Variants in SDHC observed in about 807,000 individuals in gnomAD.
SDHC encodes the protein succinate dehydrogenase cytochrome b560 subunit, mitochondrial.
Under a neutral mutation model 22.6 loss-of-function variants are expected in SDHC, and 11 were observed. The observed-to-expected ratio is 0.49, with a 90% CI of 0.31 to 0.81. The LOEUF is 0.81. Among genes scored for constraint, SDHC ranks in the 30% least tolerant of loss-of-function variants. The pLI, the probability that SDHC is intolerant of heterozygous loss-of-function variation, is 0.05. For missense variants in SDHC, 160 were observed against 212.0 expected (o/e 0.75, Z 1.52); for synonymous variants, 80 against 77.8 (o/e 1.03, Z -0.15).
intron 3 of SDHC, among the ~76,000 whole-genome samples, chr1:161,334,863 A>T (rs568771139): frequency 6.6e-6 from 1 of 152,190 alleles, no homozygotes; most frequent in Non-Finnish European, 1.5e-5. Flanking sequence ...TATTCTGCCT[A>T]CTACAACTTC....
chr1:161,345,156 C>G (rs780769087), intron 4 of SDHC, among the ~76,000 whole-genome samples: 3 of 152,322 alleles, frequency 2.0e-5, no homozygotes, highest in South Asian at 4.1e-4. Context: ...TTACTGTGCT[C>G]CAGCCACACT....
chr1:161,356,758 T>C lies in SDHC; in HGVS notation c.323T>C (p.Leu108Pro). 6.2e-7 allele frequency: 1 copy of C among 1,613,966 alleles called. No individual in the cohort carries two copies. Among genetic ancestry groups the C allele is most frequent in the South Asian group, 1.1e-5 (1 of 91,070 alleles). ...TTGGAACTTGTGAAGTCCCTGTGTC[T>C]GGGGCCAGCACTGATCCACACAGCT... is the stretch of plus-strand genomic sequence containing the variant. ...SYLELVKSLC[L>P]GPALIHTAKF... Residue 108 changes from leucine to proline, a missense_variant, in exon 5 of 6, where the codon CTG (leucine) becomes CCG (proline). By Grantham distance (98) the Leu-to-Pro change is moderately conservative. Coordinates refer to ENST00000367975, the MANE Select transcript of SDHC (RefSeq NM_003001.5).
intron 3 of SDHC, among the ~76,000 whole-genome samples, chr1:161,331,011 AAAAAG>A (rs1432741456): frequency 6.9e-6 from 1 of 145,892 alleles, no homozygotes; most frequent in Non-Finnish European, 1.5e-5. Context: ...AAAAAAAAAA[AAAAAG>A]AGAACCTTGT....
intron 4 of SDHC, among the ~76,000 whole-genome samples, chr1:161,354,724 A>G (rs1672210571): frequency 7.4e-6 from 1 of 135,700 alleles, no homozygotes; most frequent in Admixed American, 8.3e-5. Flanking sequence ...GTCATTTGAG[A>G]TGGAGCCTCA....
Position 161,323,683 on chromosome 1 carries a change from G to A in SDHC, c.77+13G>A, listed in dbSNP as rs779727693. 32 of 1,597,318 alleles carry A rather than the reference G, an allele frequency of 2.0e-5. No homozygotes were observed. In the South Asian group the frequency reaches 3.6e-4, roughly 18 times the overall value. On this transcript the variant is annotated intron_variant, in intron 2 of 5. Transcript: ENST00000367975. ...TCTGTATCAGAAAGTAAGTTTCTAA[G>A]TCTGGAGATTATTTATTTATTTTTT... is the stretch of plus-strand genomic sequence containing the variant.
intron 3 of SDHC, among the ~76,000 whole-genome samples, chr1:161,328,870 A>G (rs1671169458): frequency 6.6e-6 from 1 of 152,158 alleles, no homozygotes; most frequent in Non-Finnish European, 1.5e-5. Context: ...GGTATATAGT[A>G]TATATGCTAA....
At chr1:161,355,562 T>C (rs903602841) in intron 4 of SDHC, among the ~76,000 whole-genome samples, 16 of 152,356 alleles carry the variant, frequency 1.1e-4, no homozygotes, top group African/African-American at 3.4e-4. Flanking sequence ...TGCTTTCTAC[T>C]AAGAGTTTTA....
intron 4 of SDHC, among the ~76,000 whole-genome samples, chr1:161,348,813 G>A (rs1311705147): frequency 1.3e-5 from 2 of 152,038 alleles, no homozygotes; most frequent in Non-Finnish European, 2.9e-5. Context: ...ACTCCAGCCT[G>A]GGTGACAGAG....
At chr1:161,335,485 ATATTT>A (rs1671442073) in intron 3 of SDHC, among the ~76,000 whole-genome samples, 1 of 152,128 alleles carries the variant, frequency 6.6e-6, no homozygotes, top group African/African-American at 2.4e-5. Context: ...TATTATAATA[ATATTT>A]TCTAGATTTG....
chr1:161,340,556 T>G, intron 3 of SDHC, 38 bp from the exon 4 acceptor site: 1 of 1,583,702 alleles, frequency 6.3e-7, no homozygotes, highest in East Asian at 2.2e-5. Flanking sequence ...GGTGTCATCT[T>G]TTCCTTTTTA....
chr1:161,350,848 A>G (rs1008467074), intron 4 of SDHC, among the ~76,000 whole-genome samples: 21 of 152,112 alleles, frequency 1.4e-4, no homozygotes, highest in African/African-American at 4.8e-4. Flanking sequence ...ACTAGTCTAT[A>G]TGGCCTTAAT....
At chr1:161,324,332 A>G (rs1670969466) in intron 2 of SDHC, among the ~76,000 whole-genome samples, 1 of 151,340 alleles carries the variant, frequency 6.6e-6, no homozygotes, top group South Asian at 2.1e-4. Flanking sequence ...CAGGTCTTGA[A>G]CTCCTGGGCT....
intron 4 of SDHC, among the ~76,000 whole-genome samples, chr1:161,348,591 C>T (rs1196795721): frequency 8.3e-5 from 12 of 144,482 alleles, no homozygotes; most frequent in African/African-American, 1.3e-4. Flanking sequence ...GAGGCTGAGG[C>T]GGGTGGATCA....
chr1:161,338,167 CTGT>C (rs1671565723), intron 3 of SDHC, among the ~76,000 whole-genome samples: 1 of 152,168 alleles, frequency 6.6e-6, no homozygotes, highest in Non-Finnish European at 1.5e-5. Flanking sequence ...TTTTATATTT[CTGT>C]TGTTAAATCT....
chr1:161,314,512 C>T (rs1293052538), intron 1 of SDHC, 87 bp downstream of exon 1: 2 of 1,518,754 alleles, frequency 1.3e-6, no homozygotes, highest in Non-Finnish European at 9.1e-7. Context: ...ACTGTTTATC[C>T]TGTGCCTGGG....
chr1:161,344,019 C>G (rs1161352148), intron 4 of SDHC, among the ~76,000 whole-genome samples: 1 of 151,830 alleles, frequency 6.6e-6, no homozygotes, highest in Non-Finnish European at 1.5e-5. Context: ...CGAGACCATC[C>G]TGGGCAACAT....
chr1:161,352,988 AAG>A (rs1247874045), intron 4 of SDHC, among the ~76,000 whole-genome samples: 1 of 152,202 alleles, frequency 6.6e-6, no homozygotes, highest in East Asian at 1.9e-4. Context: ...AAGAAAAAAA[AAG>A]AAAAAAGAAA....
chr1:161,349,118 C>T (rs978636704), intron 4 of SDHC, among the ~76,000 whole-genome samples: 1 of 152,032 alleles, frequency 6.6e-6, no homozygotes, highest in Non-Finnish European at 1.5e-5. Flanking sequence ...ATGAATTGTA[C>T]AATTAGCTTG....
intron 4 of SDHC, among the ~76,000 whole-genome samples, chr1:161,342,661 C>T (rs866342043): frequency 3.3e-5 from 5 of 152,016 alleles, no homozygotes; most frequent in African/African-American, 7.2e-5. Context: ...GGATTACAGG[C>T]GCCCACCACC....
Sources: gnomAD v4.1 joint callset for allele counts (sites outside exome capture counted in the v4.1 genomes callset) on GRCh38, gnomAD v4.1.1 for gene constraint, MANE v1.5 for transcripts, NCBI Gene and HGNC (gene_info 2026-07-23, HGNC 2026-07-21) for gene names.